PHIP: variants seen among roughly 807,000 people sequenced by gnomAD.
PHIP encodes the protein PH-interacting protein.
A neutral mutation model predicts 236.8 loss-of-function variants in PHIP; 54 were observed. The ratio of observed to expected loss-of-function variants is 0.23; its 90% CI spans 0.18 to 0.29. The LOEUF (loss-of-function observed/expected upper bound fraction) is 0.29. PHIP is among the 10% of genes least tolerant of loss of function. The pLI, the probability that PHIP is intolerant of heterozygous loss-of-function variation, is 1.00. For missense variants in PHIP, 1,370 were observed against 2,190.8 expected (o/e 0.63, Z 7.48); for synonymous variants, 756 against 718.9 (o/e 1.05, Z -0.83).
intron 24 of PHIP, among the ~76,000 whole-genome samples, chr6:78,971,483 T>C (rs1767545916): frequency 6.6e-6 from 1 of 152,216 alleles, no homozygotes; most frequent in South Asian, 2.1e-4. Flanking sequence ...CACTATCCCA[T>C]ACTTTCATTC....
Position 79,072,891 on chromosome 6 carries a change from A to G in PHIP, c.189+4557T>C, listed in dbSNP as rs147338526. 6.4e-4 allele frequency among the ~76,000 whole-genome samples: 97 copies of G among 152,350 alleles called. 1 individual carries two copies. In the South Asian group the frequency reaches 8.1e-3, roughly 13 times the overall value. ...AAAACTTTATTATAAAGCTCTAAGCAGAACAACCTTTACTACCACTACTAA... is the reference window on the plus strand; with the variant it reads ...AAAACTTTATTATAAAGCTCTAAGCGGAACAACCTTTACTACCACTACTAA... On this transcript the variant is annotated intron_variant, in intron 4 of 39. Coordinates refer to ENST00000275034, the MANE Select transcript of PHIP (RefSeq NM_017934.7).
chr6:79,017,158 T>C (rs1770873091), intron 12 of PHIP, among the ~76,000 whole-genome samples, 188 bp downstream of exon 12: 2 of 152,116 alleles, frequency 1.3e-5, no homozygotes, highest in East Asian at 1.9e-4. Flanking sequence ...CCAAGTATAC[T>C]AACATTATTA....
At position 78,985,448 on chromosome 6, in the gene PHIP, T is replaced by G; in HGVS notation, c.2461-20A>C. 1 of 1,189,954 alleles carries G rather than the reference T, an allele frequency of 8.4e-7. No homozygotes were observed. The highest frequency in any genetic ancestry group is 1.3e-6 in the Non-Finnish European group (1 of 796,472). The allele number at this position is 1,189,954 out of a possible 1,614,324, so 73.7% of individuals were successfully genotyped here. On this transcript the variant is annotated intron_variant, in intron 21 of 39. Transcript: ENST00000275034. ...GCCTTCCTAAGATATGTTGAATACATGTCTTATTGCATAATTTTATAAAAT... is the reference window on the plus strand; with the variant it reads ...GCCTTCCTAAGATATGTTGAATACAGGTCTTATTGCATAATTTTATAAAAT...
In PHIP at chr6:78,946,691, AT is replaced by A. The variant is rs2127682747; in HGVS notation, c.4370+19del. 1 of 1,532,314 alleles carries A rather than the reference AT, an allele frequency of 6.5e-7. No homozygotes were observed. The highest frequency in any genetic ancestry group is 8.7e-7 in the Non-Finnish European group (1 of 1,149,312). The allele number at this position is 1,532,314 out of a possible 1,614,324, so 94.9% of individuals were successfully genotyped here. On this transcript the variant is annotated intron_variant, in intron 37 of 39. Coordinates refer to ENST00000275034, the MANE Select transcript of PHIP (RefSeq NM_017934.7). ...TGAAAGTTATAGATCAGCTAGTGGT[AT>A]TTAAAAGAAATTAAATACCTTGATG...
At chr6:78,995,573 T>C (rs970109540) in intron 19 of PHIP, among the ~76,000 whole-genome samples, 1 of 152,234 alleles carries the variant, frequency 6.6e-6, no homozygotes, top group Non-Finnish European at 1.5e-5. Context: ...CTGAGAAGAA[T>C]GCAGTGATAT....
Position 78,935,702 on chromosome 6 carries a change from G to T in PHIP, c.*4991C>A. The T allele has an allele frequency of 2.0e-6, 2 of 984,992 alleles. No homozygotes were observed. The highest frequency in any genetic ancestry group is 1.2e-6 in the Non-Finnish European group (1 of 829,680). The allele number at this position is 984,992 out of a possible 1,614,324, so 61.0% of individuals were successfully genotyped here. A position where few individuals can be genotyped will look rare whatever the true frequency, so the allele number is the denominator to read the frequency against. On this transcript the variant is annotated 3_prime_UTR_variant, in exon 40 of 40. Coordinates refer to ENST00000275034, the MANE Select transcript of PHIP (RefSeq NM_017934.7). ...TTTTAACTGACAGTTTTCACACTTTGCAAAACACACAGGGCACTGGAAACT... is the reference window on the plus strand; with the variant it reads ...TTTTAACTGACAGTTTTCACACTTTTCAAAACACACAGGGCACTGGAAACT...
intron 4 of PHIP, among the ~76,000 whole-genome samples, chr6:79,074,479 TAC>T (rs1774054496): frequency 6.6e-6 from 1 of 152,120 alleles, no homozygotes; most frequent in Non-Finnish European, 1.5e-5. Context: ...TTTTTTATTC[TAC>T]AGTTTAAGAA....
At chr6:79,008,008 C>G (rs1770377889) in intron 15 of PHIP, among the ~76,000 whole-genome samples, 1 of 151,966 alleles carries the variant, frequency 6.6e-6, no homozygotes, top group Admixed American at 6.6e-5. Context: ...CAAAAATTAG[C>G]TGGGTGTGGT....
chr6:78,978,415 AAAG>A (rs1312842062), intron 24 of PHIP, among the ~76,000 whole-genome samples, 174 bp downstream of exon 24: 19 of 152,266 alleles, frequency 1.2e-4, no homozygotes, highest in Admixed American at 9.2e-4. Flanking sequence ...CAGCAGCTTC[AAAG>A]AAGATTATTA....
rs2127740878 is a variant in PHIP at position 79,015,700 on chromosome 6, A to G, written c.1319T>C (p.Ile440Thr). 2 of 1,606,964 alleles carry G rather than the reference A, an allele frequency of 1.2e-6. No homozygotes were observed. Among genetic ancestry groups the G allele is most frequent in the Non-Finnish European group, 8.5e-7 (1 of 1,173,886 alleles). The change falls in exon 14 of 40, where the codon ATA (isoleucine) becomes ACA (threonine). Residue 440 changes from isoleucine to threonine, a missense_variant. Physicochemically the swap from Ile to Thr is moderately conservative, Grantham distance 89. Coordinates refer to ENST00000275034, the MANE Select transcript of PHIP (RefSeq NM_017934.7). ...CAGAGTCATGTTATTAACTGCAGTT[A>G]TAACTGTATTGTCATGTCGATCCCA... ...VAWDRHDNTV[I>T]TAVNNMTLKV...
At chr6:78,990,241 T>C (rs570403483) in intron 20 of PHIP, among the ~76,000 whole-genome samples, 1 of 152,130 alleles carries the variant, frequency 6.6e-6, no homozygotes, top group Non-Finnish European at 1.5e-5. Flanking sequence ...CAAGCTAAGA[T>C]GTTTTTCTCC....
intron 6 of PHIP, among the ~76,000 whole-genome samples, chr6:79,055,738 AG>A (rs1773036468): frequency 6.6e-6 from 1 of 152,252 alleles, no homozygotes; most frequent in African/African-American, 2.4e-5. Flanking sequence ...GGGAATTCTA[AG>A]CACATAATAA....
At chr6:79,045,782 A>G (rs918331188) in intron 6 of PHIP, among the ~76,000 whole-genome samples, 5 of 152,200 alleles carry the variant, frequency 3.3e-5, no homozygotes, top group African/African-American at 1.2e-4. Context: ...AATTCTTTAT[A>G]TGACATTATA....
chr6:79,016,647 A>G lies in PHIP; in HGVS notation c.1137-5T>C, dbSNP rs1391128321. 2 of 1,575,334 alleles carry G rather than the reference A, an allele frequency of 1.3e-6. No individual in the cohort carries two copies. The highest frequency in any genetic ancestry group is 1.7e-6 in the Non-Finnish European group (2 of 1,149,966). ...TCACGACTGCCACTTACAAACCTGTATTAAAAGGAATCCGATCCCCCAAAG... is the reference window on the plus strand; with the variant it reads ...TCACGACTGCCACTTACAAACCTGTGTTAAAAGGAATCCGATCCCCCAAAG... On this transcript the variant is annotated splice_polypyrimidine_tract_variant and splice_region_variant and intron_variant, in intron 12 of 39. Coordinates refer to ENST00000275034, the MANE Select transcript of PHIP (RefSeq NM_017934.7).
rs1351602394 is a variant in PHIP, at chr6:78,938,377, G to T, written c.*2316C>A. ...AATTAACACATACACTGTACTAGAG[G>T]TATATTCCACTCTAAGACTGTGTAC... On this transcript the variant is annotated 3_prime_UTR_variant, in exon 40 of 40. Transcript: ENST00000275034. 3 of 151,374 alleles carry T rather than the reference G, an allele frequency of 2.0e-5. No homozygotes were observed. 9.4% of individuals were successfully genotyped at this position (151,374 alleles called of 1,614,324 possible). A position where few individuals can be genotyped will look rare whatever the true frequency, so the allele number is the denominator to read the frequency against.
At chr6:78,961,649 C>A in intron 31 of PHIP, 41 bp downstream of exon 31, 1 of 1,596,214 alleles carries the variant, frequency 6.3e-7, no homozygotes, top group Non-Finnish European at 8.6e-7. Context: ...GGAAAGATCA[C>A]CAGCTTTCCT....
chr6:78,968,846 A>G (rs1191157773), intron 27 of PHIP, among the ~76,000 whole-genome samples: 1 of 151,248 alleles, frequency 6.6e-6, no homozygotes, highest in Non-Finnish European at 1.5e-5. Context: ...GTAATTTTCC[A>G]CAAAGACAAA....
At chr6:78,951,271 A>G (rs1382477927) in intron 35 of PHIP, among the ~76,000 whole-genome samples, 2 of 152,178 alleles carry the variant, frequency 1.3e-5, no homozygotes, top group South Asian at 2.1e-4. Flanking sequence ...TTCTTGGCTC[A>G]TATCTTGGGC....
intron 22 of PHIP, 101 bp downstream of exon 22, chr6:78,985,251 T>G (rs746709614): frequency 2.8e-6 from 2 of 704,830 alleles, no homozygotes; most frequent in African/African-American, 1.8e-5. Context: ...CTGAAGAACT[T>G]TGAACTTACA....
Sources: gnomAD v4.1 joint callset for allele counts (sites outside exome capture counted in the v4.1 genomes callset) on GRCh38, gnomAD v4.1.1 for gene constraint, MANE v1.5 for transcripts, NCBI Gene and HGNC (gene_info 2026-07-23, HGNC 2026-07-21) for gene names.